ELFN2: variants seen among roughly 807,000 people sequenced by gnomAD.
The protein encoded by ELFN2 is extracellular leucine rich repeat and fibronectin type III domain containing 2.
A neutral mutation model predicts 45.5 loss-of-function variants in ELFN2; 17 were observed. That is an observed-to-expected ratio of 0.37 (90% confidence interval 0.26 to 0.56). ELFN2 has a LOEUF of 0.56. Ranked by LOEUF, ELFN2 falls within the 20% of genes least tolerant of loss-of-function variation. The probability of loss-of-function intolerance (pLI) is 0.77; values close to 1 mark genes in which losing one functional copy is unlikely to be tolerated. For missense variants in ELFN2, 922 were observed against 1,183.2 expected (o/e 0.78, Z 3.24); for synonymous variants, 550 against 551.5 (o/e 1.00, Z 0.04).
Position 37,373,258 on chromosome 22 carries a change from G to A in ELFN2, c.2277C>T (p.Pro759=), listed in dbSNP as rs139416895. The change falls in exon 3 of 3, where the codon CCC becomes CCT. Residue 759 remains proline (P), a synonymous_variant. Coordinates refer to ENST00000402918, the MANE Select transcript of ELFN2 (RefSeq NM_052906.5). ...TGTGCGTGCTCTCGGATGAGTACTC[G>A]GGGCTGGAGGAGTACCCTGAGTAGT... ...RHYYSGYSSS[P]EYSSESTHKI... The A allele has an allele frequency of 5.9e-4, 958 of 1,613,848 alleles. 6 individuals are homozygous for A. In the African/African-American group the frequency reaches 0.01, roughly 17 times the overall value.
chr22:37,364,281 G>A (rs980286590), downstream of ELFN2, among the ~76,000 whole-genome samples: 3 of 152,206 alleles, frequency 2.0e-5, no homozygotes, highest in African/African-American at 7.2e-5. Flanking sequence ...GGCAGCAAGG[G>A]AGGATTGCCT....
At chr22:37,406,107 A>C (rs2145676731) in intron 2 of ELFN2, among the ~76,000 whole-genome samples, 1 of 152,250 alleles carries the variant, frequency 6.6e-6, no homozygotes, top group Non-Finnish European at 1.5e-5. Context: ...GCACCACTGC[A>C]CTCCAGCCTG....
chr22:37,381,710 T>C (rs1220705915), intron 2 of ELFN2, among the ~76,000 whole-genome samples: 1 of 152,098 alleles, frequency 6.6e-6, no homozygotes, highest in Non-Finnish European at 1.5e-5. Context: ...CTTTGTTCAC[T>C]GCTGTAACCC....
At chr22:37,389,449 A>C (rs913486120) in intron 2 of ELFN2, among the ~76,000 whole-genome samples, 1 of 151,734 alleles carries the variant, frequency 6.6e-6, no homozygotes, top group African/African-American at 2.4e-5. Context: ...ACCCATTCCC[A>C]CCTGTCCCCA....
intron 1 of ELFN2, among the ~76,000 whole-genome samples, chr22:37,355,893 G>A (rs912679571): frequency 2.6e-5 from 4 of 152,188 alleles, no homozygotes; most frequent in African/African-American, 9.7e-5. Flanking sequence ...CCAAATTGAC[G>A]TGAGAGTGTT....
At chr22:37,365,351 C>A (rs1054708882), downstream of ELFN2, among the ~76,000 whole-genome samples, 51 of 152,246 alleles carry the variant, frequency 3.3e-4, no homozygotes, top group African/African-American at 1.2e-3. Flanking sequence ...GGCCCAGTAG[C>A]TACAAGGGTC....
chr22:37,346,536 C>A (rs1232776235), intron 1 of ELFN2, among the ~76,000 whole-genome samples: 1 of 152,142 alleles, frequency 6.6e-6, no homozygotes, highest in Admixed American at 6.5e-5. Flanking sequence ...GATTTCCAAG[C>A]AGTTTGGAGA....
intron 1 of ELFN2, among the ~76,000 whole-genome samples, chr22:37,352,934 G>A (rs2145615122): frequency 6.6e-6 from 1 of 151,078 alleles, no homozygotes; most frequent in Non-Finnish European, 1.5e-5. Flanking sequence ...GAAGCAGGCA[G>A]GCCAGTTAAG....
Position 37,372,969 on chromosome 22 carries a change from G to T in ELFN2, c.*103C>A. The T allele has an allele frequency of 7.4e-7, 1 of 1,356,506 alleles. No homozygotes were observed. The highest frequency in any genetic ancestry group is 9.8e-7 in the Non-Finnish European group (1 of 1,016,586). 84.0% of individuals were successfully genotyped at this position (1,356,506 alleles called of 1,614,324 possible). A position where few individuals can be genotyped will look rare whatever the true frequency, so the allele number is the denominator to read the frequency against. On this transcript the variant is annotated 3_prime_UTR_variant, in exon 3 of 3. Transcript: ENST00000402918. This position sits in a 1 kb window ranked among gnomAD's most constrained non-coding sequence, Gnocchi z 4.4. ...GGGTCTGCATGTGCGTCCTCTCCTG[G>T]GCCTTGGCCCCCGAGTCTGCTCCCC...
chr22:37,375,605 G>T lies in ELFN2; in HGVS notation c.-71C>A. ...TAGCGGCCAGAGGCTGGGGCTGGCA[G>T]TACAGTCCTCCCTGGGGCCGCCACC... On this transcript the variant is annotated 5_prime_UTR_variant, in exon 3 of 3. The change creates a new upstream start codon in the 5' untranslated region. Transcript: ENST00000402918. 1.4e-6 allele frequency: 2 copies of T among 1,459,506 alleles called. No homozygotes were observed. Among genetic ancestry groups the T allele is most frequent in the Non-Finnish European group, 1.8e-6 (2 of 1,102,788 alleles). The allele number at this position is 1,459,506 out of a possible 1,614,324, so 90.4% of individuals were successfully genotyped here. A position where few individuals can be genotyped will look rare whatever the true frequency, so the allele number is the denominator to read the frequency against.
Position 37,374,417 on chromosome 22 carries a change from G to T in ELFN2, c.1118C>A (p.Thr373Asn). 1.9e-6 allele frequency: 3 copies of T among 1,614,026 alleles called. No homozygotes were observed. Among genetic ancestry groups the T allele is most frequent in the Non-Finnish European group, 2.5e-6 (3 of 1,179,924 alleles). ...GTCCCGCGTGGTGAAGGTCAGGCAG[G>T]TGTGGTTGAAGCGGCGGCTGTTGCG... ...SLRNSRRFNH[T>N]CLTFTTRDPV... Residue 373 changes from threonine (T) to asparagine (N), a missense_variant, in exon 3 of 3, where the codon ACC (threonine) becomes AAC (asparagine). Physicochemically the swap from Thr to Asn is moderately conservative, Grantham distance 65 (BLOSUM62 0). Around this residue, in one of 2 missense-constraint regions of ELFN2, gnomAD observed 358 missense variants for 540.4 expected, o/e 0.66. Coordinates refer to ENST00000402918, the MANE Select transcript of ELFN2 (RefSeq NM_052906.5).
At chr22:37,345,213 T>C (rs906936623) in intron 1 of ELFN2, among the ~76,000 whole-genome samples, 8 of 152,210 alleles carry the variant, frequency 5.3e-5, no homozygotes, top group Non-Finnish European at 1.2e-4. Flanking sequence ...CCTCTTCAAC[T>C]GTCATTGTGC....
At chr22:37,344,162 A>C (rs1054486129) in intron 1 of ELFN2, among the ~76,000 whole-genome samples, 5 of 14,362 alleles carry the variant, frequency 3.5e-4, no homozygotes, top group East Asian at 2.6e-3. Flanking sequence ...CCATGCCCCC[A>C]CCCATGCCCC....
intron 2 of ELFN2, among the ~76,000 whole-genome samples, chr22:37,380,382 C>T (rs1931719770): frequency 6.6e-6 from 1 of 152,160 alleles, no homozygotes; most frequent in Admixed American, 6.5e-5. Flanking sequence ...CTCCAGAGTT[C>T]CCCCGAAATC....
At position 37,374,416 on chromosome 22, in the gene ELFN2, G is replaced by A. The variant is rs774332867; in HGVS notation, c.1119C>T (p.Thr373=). 5.0e-6 allele frequency: 8 copies of A among 1,613,880 alleles called. No homozygotes were observed. Among genetic ancestry groups the A allele is most frequent in the South Asian group, 4.4e-5 (4 of 91,080 alleles). ...GGTCCCGCGTGGTGAAGGTCAGGCA[G>A]GTGTGGTTGAAGCGGCGGCTGTTGC... ...SLRNSRRFNH[T]CLTFTTRDPV... The change falls in exon 3 of 3, where the codon ACC becomes ACT. Residue 373 remains threonine (T), a synonymous_variant. Transcript: ENST00000402918.
At chr22:37,350,623 G>A (rs939839167) in intron 1 of ELFN2, among the ~76,000 whole-genome samples, 43 of 150,580 alleles carry the variant, frequency 2.9e-4, no homozygotes, top group African/African-American at 7.3e-4. Context: ...GGCTGAGAGC[G>A]TGTGTGACCC....
chr22:37,364,386 A>G (rs996017401), downstream of ELFN2, among the ~76,000 whole-genome samples: 8 of 152,208 alleles, frequency 5.3e-5, no homozygotes, highest in Non-Finnish European at 1.0e-4. Context: ...CCGGGGGTGC[A>G]GAGCAAGAGA....
At chr22:37,389,290 A>T (rs1003452017) in intron 2 of ELFN2, among the ~76,000 whole-genome samples, 3 of 152,038 alleles carry the variant, frequency 2.0e-5, no homozygotes, top group African/African-American at 7.3e-5. Context: ...TAGAGCTCAC[A>T]ACCCAACCTG....
intron 2 of ELFN2, among the ~76,000 whole-genome samples, chr22:37,402,276 G>C (rs1932382135): frequency 6.6e-6 from 1 of 152,168 alleles, no homozygotes; most frequent in Non-Finnish European, 1.5e-5. Context: ...TTGTCTTCCG[G>C]GGCAAGCTGG....
Sources: allele counts gnomAD v4.1 joint callset (sites outside exome capture counted in the v4.1 genomes callset), GRCh38; gene constraint gnomAD v4.1.1; regional missense constraint gnomAD v4.1.1; non-coding constraint Gnocchi (gnomAD v3.1); transcripts MANE v1.5; gene names NCBI Gene and HGNC (gene_info 2026-07-23, HGNC 2026-07-21).